The following CNTN6 variants were observed in gnomAD, a reference collection of about 807,000 sequenced individuals.
CNTN6 encodes the protein contactin-6.
A neutral mutation model predicts 122.8 loss-of-function variants in CNTN6; 137 were observed. The observed-to-expected ratio is 1.12, with a 90% CI of 0.97 to 1.29. The LOEUF (loss-of-function observed/expected upper bound fraction) is 1.29, where lower values mean the gene tolerates loss of function less well. Among genes scored for constraint, CNTN6 ranks in the 50% most tolerant of loss-of-function variants. CNTN6 has a pLI of 0.00. For missense variants in CNTN6, 1,634 were observed against 1,223.4 expected (o/e 1.34, Z -5.01); for synonymous variants, 570 against 426.0 (o/e 1.34, Z -4.16).
chr3:1,373,621 G>A lies in CNTN6; in HGVS notation c.1804G>A (p.Glu602Lys), dbSNP rs1450509148. ...IIVRGPPGPP[E>K]DVQVEDISST... ...TTTTCAAGGTCCACCAGGTCCTCCT[G>A]AGGATGTGCAAGTGGAAGACATTTC... Residue 602 changes from glutamate to lysine, a missense_variant, in exon 15 of 23, where the codon GAG becomes AAG. Transcript: ENST00000446702. 6.2e-7 allele frequency: 1 copy of A among 1,612,182 alleles called. No individual in the cohort carries two copies.
chr3:1,352,264 A>G, intron 11 of CNTN6, 60 bp from the exon 12 acceptor site: 1 of 1,370,640 alleles, frequency 7.3e-7, no homozygotes. Flanking sequence ...AAAAATAAGC[A>G]CTTATGATTT....
intron 10 of CNTN6, 22 bp downstream of exon 10, chr3:1,327,608 A>G (rs547477474): frequency 1.2e-6 from 2 of 1,604,158 alleles, no homozygotes; most frequent in Admixed American, 1.7e-5. Flanking sequence ...ATTTACAACC[A>G]ACAAATTCAA....
chr3:1,219,001 A>G (rs1437270138), intron 2 of CNTN6, among the ~76,000 whole-genome samples: 2 of 151,378 alleles, frequency 1.3e-5, no homozygotes, highest in Non-Finnish European at 2.9e-5. Context: ...TGCCAAAGGC[A>G]AGCCATTTGA....
intron 20 of CNTN6, among the ~76,000 whole-genome samples, chr3:1,388,432 CA>C (rs1351023439): frequency 6.6e-6 from 1 of 151,242 alleles, no homozygotes; most frequent in African/African-American, 2.4e-5. Context: ...CATCAAAGAC[CA>C]AAAGTAGATA....
chr3:1,245,319 TATATATATATATATATAG>T (rs2094566782), intron 4 of CNTN6, among the ~76,000 whole-genome samples: 1 of 27,692 alleles, frequency 3.6e-5, no homozygotes, highest in African/African-American at 1.3e-4. Context: ...TATATATATA[TATATATATATATATATAG>T]CATGGAATAC....
At position 1,333,848 on chromosome 3, in the gene CNTN6, A is replaced by C. The variant is rs564302897; in HGVS notation, c.1364+3913A>C. On this transcript the variant is annotated intron_variant, in intron 11 of 22. Coordinates refer to ENST00000446702, the MANE Select transcript of CNTN6 (RefSeq NM_001289080.2). ...GTGAAGAAGCTTAGACTTGGTGCCA[A>C]GTCTTCCATCTCTGTATTCACGTCT... is the stretch of plus-strand genomic sequence containing the variant. Among the ~76,000 whole-genome samples, 93 of 152,272 alleles carry C rather than the reference A, an allele frequency of 6.1e-4. 1 individual carries two copies. The highest frequency in any genetic ancestry group is 3.4e-3 in the Middle Eastern group (1 of 294).
intron 10 of CNTN6, 63 bp from the exon 11 acceptor site, chr3:1,329,722 C>A: frequency 7.1e-7 from 1 of 1,403,476 alleles, no homozygotes; most frequent in Non-Finnish European, 9.8e-7. Flanking sequence ...TAGCAAGTCA[C>A]CCCTGGAGTC....
intron 2 of CNTN6, among the ~76,000 whole-genome samples, chr3:1,157,964 C>A (rs2093014058): frequency 6.6e-6 from 1 of 152,160 alleles, no homozygotes; most frequent in African/African-American, 2.4e-5. Context: ...CATGGGCATG[C>A]AGATATATCT....
chr3:1,316,935 G>A (rs1287240215), intron 7 of CNTN6, among the ~76,000 whole-genome samples: 4 of 151,838 alleles, frequency 2.6e-5, no homozygotes, highest in African/African-American at 4.8e-5. Flanking sequence ...GGGATGAAGT[G>A]GGAATTGCTC....
intron 2 of CNTN6, among the ~76,000 whole-genome samples, chr3:1,180,960 CT>C (rs368954197): frequency 6.6e-5 from 10 of 152,014 alleles, no homozygotes; most frequent in South Asian, 4.2e-4. Context: ...ATTTTTTTTA[CT>C]TTTTTTTCTT....
At chr3:1,223,205 A>G (rs977070882) in intron 3 of CNTN6, among the ~76,000 whole-genome samples, 1 of 152,146 alleles carries the variant, frequency 6.6e-6, no homozygotes, top group Non-Finnish European at 1.5e-5. Context: ...GTATAGTGTA[A>G]AGCAACATAA....
chr3:1,192,693 G>A (rs940954457), intron 2 of CNTN6, among the ~76,000 whole-genome samples: 1 of 151,884 alleles, frequency 6.6e-6, no homozygotes, highest in African/African-American at 2.4e-5. Context: ...AGATAGCAAT[G>A]ACAACCACAC....
At chr3:1,306,645 TAG>T (rs10576273) in intron 7 of CNTN6, among the ~76,000 whole-genome samples, 43,526 of 151,776 alleles carry the variant, frequency 0.29, 7,857 homozygotes, top group East Asian at 0.62. Context: ...GCAAAAATGA[TAG>T]AGAGAGAATA....
chr3:1,321,629 T>A, intron 7 of CNTN6, 21 bp from the exon 8 acceptor site: 1 of 1,581,892 alleles, frequency 6.3e-7, no homozygotes, highest in Non-Finnish European at 8.6e-7. Context: ...TCTTCTATTC[T>A]AATGAGGTGT....
chr3:1,157,543 T>G (rs1301158750), intron 2 of CNTN6, among the ~76,000 whole-genome samples: 1 of 152,146 alleles, frequency 6.6e-6, no homozygotes, highest in East Asian at 1.9e-4. Context: ...TGCAATTAAG[T>G]TATTATTGAC....
At chr3:1,164,915 T>A (rs1420515068) in intron 2 of CNTN6, among the ~76,000 whole-genome samples, 8 of 152,182 alleles carry the variant, frequency 5.3e-5, no homozygotes, top group African/African-American at 1.2e-4. Context: ...TCTGAGTGGA[T>A]TTTTTTGTGG....
At chr3:1,263,002 T>A (rs1461317963) in intron 4 of CNTN6, among the ~76,000 whole-genome samples, 1 of 152,158 alleles carries the variant, frequency 6.6e-6, no homozygotes, top group African/African-American at 2.4e-5. Flanking sequence ...GTAAGAGTTA[T>A]AAGTTATTTA....
At chr3:1,255,699 G>A (rs1488044371) in intron 4 of CNTN6, among the ~76,000 whole-genome samples, 1 of 151,846 alleles carries the variant, frequency 6.6e-6, no homozygotes, top group African/African-American at 2.4e-5. Flanking sequence ...TTAGAGTCAA[G>A]GTCTCACTCT....
rs1575661846 is a variant in CNTN6, at chr3:1,313,671, C to A, written c.762-7979C>A. ...TTGTGGCTTTTCAAAGATGTCCTCC[C>A]CAAGGGAAAGCTGATATAGGCATCA... On this transcript the variant is annotated intron_variant, in intron 7 of 22. Coordinates refer to ENST00000446702, the MANE Select transcript of CNTN6 (RefSeq NM_001289080.2). Among the ~76,000 whole-genome samples the A allele has an allele frequency of 2.0e-5, 3 of 152,180 alleles. No individual in the cohort carries two copies. In the South Asian group the frequency reaches 6.2e-4, roughly 32 times the overall value.
Sources: allele counts gnomAD v4.1 joint callset (sites outside exome capture counted in the v4.1 genomes callset), GRCh38; gene constraint gnomAD v4.1.1; transcripts MANE v1.5; gene names NCBI Gene and HGNC (gene_info 2026-07-23, HGNC 2026-07-21).